FOCAD: variants seen among roughly 807,000 people sequenced by gnomAD.
FOCAD encodes KIAA1797.
Under a neutral mutation model 225.6 loss-of-function variants are expected in FOCAD, and 198 were observed. That is an observed-to-expected ratio of 0.88 (90% CI 0.78 to 0.99). The LOEUF (loss-of-function observed/expected upper bound fraction) is 0.99, where lower values mean the gene tolerates loss of function less well. Among genes scored for constraint, FOCAD ranks in the 50% least tolerant of loss-of-function variants. The pLI is 0.00. For missense variants in FOCAD, 2,713 were observed against 2,123.6 expected (o/e 1.28, Z -5.46); for synonymous variants, 897 against 755.0 (o/e 1.19, Z -3.08).
chr9:20,871,656 A>T, intron 18 of FOCAD, among the ~76,000 whole-genome samples: 1 of 147,336 alleles, frequency 6.8e-6, no homozygotes, highest in Non-Finnish European at 1.5e-5. Context: ...AAAAAATTTA[A>T]AAAAAAAAAC....
intron 12 of FOCAD, 61 bp downstream of exon 12, chr9:20,819,961 C>G (rs1824139429): frequency 1.9e-6 from 2 of 1,027,010 alleles, no homozygotes; most frequent in African/African-American, 1.7e-5. Flanking sequence ...ACTTTGAATT[C>G]TTTTTGGTAT....
intron 35 of FOCAD, among the ~76,000 whole-genome samples, chr9:20,965,275 G>A (rs1029716427): frequency 6.6e-6 from 1 of 152,098 alleles, no homozygotes; most frequent in East Asian, 1.9e-4. Context: ...TTGTGTTAGG[G>A]TACTTTTTAT....
chr9:20,706,878 A>G (rs778226577), intron 1 of FOCAD, among the ~76,000 whole-genome samples: 7 of 152,160 alleles, frequency 4.6e-5, no homozygotes, highest in Non-Finnish European at 1.0e-4. Context: ...TGTTTCTTCA[A>G]CAGAGTCCCA....
intron 18 of FOCAD, among the ~76,000 whole-genome samples, chr9:20,869,741 T>C (rs574453606): frequency 6.6e-6 from 1 of 152,258 alleles, no homozygotes; most frequent in East Asian, 1.9e-4. Context: ...TTAATAATAA[T>C]TTATTTGGTA....
chr9:20,689,541 C>T (rs538391885), intron 1 of FOCAD, among the ~76,000 whole-genome samples: 36 of 152,012 alleles, frequency 2.4e-4, no homozygotes, highest in African/African-American at 3.6e-4. Flanking sequence ...TGGGGGCCAC[C>T]AAAGAAGGGG....
chr9:20,744,117 C>A (rs1827848528), intron 5 of FOCAD, among the ~76,000 whole-genome samples: 1 of 152,122 alleles, frequency 6.6e-6, no homozygotes, highest in South Asian at 2.1e-4. Context: ...AATTCCATGG[C>A]CCCAACACAT....
chr9:20,768,369 C>G (rs1321031607), intron 7 of FOCAD, among the ~76,000 whole-genome samples: 1 of 152,094 alleles, frequency 6.6e-6, no homozygotes, highest in Non-Finnish European at 1.5e-5. Context: ...TGAAGAAAGT[C>G]ATTGGTAGCT....
chr9:20,881,238 G>T (rs1356977182), intron 19 of FOCAD, among the ~76,000 whole-genome samples: 2 of 152,208 alleles, frequency 1.3e-5, no homozygotes, highest in Non-Finnish European at 2.9e-5. Context: ...CAGTGGCACT[G>T]ACTTAAATAT....
At chr9:20,866,018 G>A (rs771000979) in intron 17 of FOCAD, 42 bp downstream of exon 17, 1 of 1,511,122 alleles carries the variant, frequency 6.6e-7, no homozygotes, top group Admixed American at 2.0e-5. Flanking sequence ...ACAAAGCTAA[G>A]GAAATAATTT....
intron 35 of FOCAD, among the ~76,000 whole-genome samples, chr9:20,958,911 T>C (rs1294577791): frequency 6.6e-6 from 1 of 152,186 alleles, no homozygotes. Flanking sequence ...TGTGGATATA[T>C]ACCAAATTTT....
chr9:20,806,151 A>G (rs1822428248), intron 11 of FOCAD, among the ~76,000 whole-genome samples: 2 of 152,200 alleles, frequency 1.3e-5, no homozygotes, highest in Non-Finnish European at 2.9e-5. Context: ...TGTACCAAAT[A>G]TTGCTTTATT....
chr9:20,788,122 T>TTGTATGG (rs1820123717), intron 10 of FOCAD, among the ~76,000 whole-genome samples: 3 of 152,332 alleles, frequency 2.0e-5, no homozygotes, highest in Admixed American at 2.0e-4. Context: ...TACAATGGAA[T>TTGTATGG]ATTATTTGGC....
intron 11 of FOCAD, among the ~76,000 whole-genome samples, chr9:20,794,997 A>C (rs1820903803): frequency 6.6e-6 from 1 of 152,234 alleles, no homozygotes; most frequent in African/African-American, 2.4e-5. Context: ...AATGATATCA[A>C]AATATCCAGA....
At chr9:20,805,329 T>C (rs750724993) in intron 11 of FOCAD, among the ~76,000 whole-genome samples, 40 of 152,202 alleles carry the variant, frequency 2.6e-4, no homozygotes, top group Non-Finnish European at 7.3e-5. Flanking sequence ...AACACAGTTA[T>C]TCAAGTGGGA....
At chr9:20,722,153 C>T (rs1337534074) in intron 4 of FOCAD, among the ~76,000 whole-genome samples, 4 of 150,972 alleles carry the variant, frequency 2.6e-5, no homozygotes, top group Admixed American at 2.6e-4. Context: ...AGTAGTCCTC[C>T]CGCCTCAGCC....
At chr9:20,789,805 A>G (rs1376704205) in intron 11 of FOCAD, among the ~76,000 whole-genome samples, 197 bp downstream of exon 11, 2 of 151,888 alleles carry the variant, frequency 1.3e-5, no homozygotes, top group Non-Finnish European at 2.9e-5. Flanking sequence ...TAATGATGCA[A>G]ACAGTTTTTA....
intron 8 of FOCAD, among the ~76,000 whole-genome samples, chr9:20,772,759 T>C (rs1050686114): frequency 1.3e-5 from 2 of 151,998 alleles, no homozygotes; most frequent in African/African-American, 4.8e-5. Flanking sequence ...TGATGGAAGT[T>C]GGGAGCCCAG....
chr9:20,840,509 T>C (rs908910784), intron 15 of FOCAD, among the ~76,000 whole-genome samples: 2 of 151,544 alleles, frequency 1.3e-5, no homozygotes, highest in African/African-American at 4.8e-5. Context: ...TATTTTATTT[T>C]ATTATTATAA....
At chr9:20,834,101 C>G (rs939791092) in intron 15 of FOCAD, among the ~76,000 whole-genome samples, 4 of 151,998 alleles carry the variant, frequency 2.6e-5, no homozygotes, top group African/African-American at 9.7e-5. Context: ...GTTCTTTATT[C>G]AGGAATACTG....
Sources: allele counts gnomAD v4.1 joint callset (sites outside exome capture counted in the v4.1 genomes callset), GRCh38; gene constraint gnomAD v4.1.1; transcripts MANE v1.5; gene names NCBI Gene and HGNC (gene_info 2026-07-23, HGNC 2026-07-21).